Variants in RIMBP2 observed in about 807,000 individuals in gnomAD.
RIMBP2 encodes RIMS-binding protein 2.
Under a neutral mutation model 118.6 loss-of-function variants are expected in RIMBP2, and 48 were observed. The observed-to-expected ratio is 0.40, with a 90% CI of 0.32 to 0.51. The LOEUF (loss-of-function observed/expected upper bound fraction) is 0.51. RIMBP2 is among the 20% of genes least tolerant of loss of function. RIMBP2 has a pLI of 0.41. For missense variants in RIMBP2, 1,551 were observed against 1,768.3 expected, an observed-to-expected ratio of 0.88 and a Z score of 2.20; for synonymous variants, 762 against 742.9, an observed-to-expected ratio of 1.03 and a Z score of -0.42.
At chr12:130,560,659 G>T (rs1191074191) in intron 2 of RIMBP2, among the ~76,000 whole-genome samples, 1 of 152,222 alleles carries the variant, frequency 6.6e-6, no homozygotes, top group African/African-American at 2.4e-5. Flanking sequence ...ATGTTCATGA[G>T]TCAGGAGAGC....
intron 2 of RIMBP2, among the ~76,000 whole-genome samples, chr12:130,610,648 C>T (rs1594029490): frequency 6.8e-6 from 1 of 147,914 alleles, no homozygotes; most frequent in East Asian, 2.0e-4. Context: ...GCAAGCTCCG[C>T]CTCCCGGGTT....
At chr12:130,706,066 C>A (rs921592570) in intron 1 of RIMBP2, among the ~76,000 whole-genome samples, 8 of 152,252 alleles carry the variant, frequency 5.3e-5, no homozygotes, top group African/African-American at 1.9e-4. Flanking sequence ...ATTCCATTCA[C>A]ATGCTAATGA....
At chr12:130,636,169 G>C (rs1192024540) in intron 1 of RIMBP2, among the ~76,000 whole-genome samples, 1 of 152,138 alleles carries the variant, frequency 6.6e-6, no homozygotes, top group Non-Finnish European at 1.5e-5. Flanking sequence ...AATGAGGCTG[G>C]TCTATACTCC....
intron 4 of RIMBP2, among the ~76,000 whole-genome samples, chr12:130,492,369 A>G (rs2048718916): frequency 6.6e-6 from 1 of 150,836 alleles, no homozygotes; most frequent in Admixed American, 6.6e-5. Context: ...AGTGAGGTCT[A>G]TTTCAGCCCA....
chr12:130,397,570 G>A (rs1428796517), intron 22 of RIMBP2, 21 bp from the exon 23 acceptor site: 5 of 398,862 alleles, frequency 1.3e-5, no homozygotes, highest in Non-Finnish European at 2.2e-5. Context: ...CAGTGTTACA[G>A]TTTATTGAGT....
chr12:130,513,672 G>A (rs765228133), intron 3 of RIMBP2, among the ~76,000 whole-genome samples: 4 of 152,250 alleles, frequency 2.6e-5, no homozygotes, highest in Non-Finnish European at 4.4e-5. Context: ...CTCCCACAAG[G>A]CTGCCTGCCT....
chr12:130,645,072 G>A (rs12318719), intron 1 of RIMBP2, among the ~76,000 whole-genome samples: 5,595 of 151,922 alleles, frequency 0.037, 348 homozygotes, highest in African/African-American at 0.13. Flanking sequence ...CACAGAAATA[G>A]GCAAAGACTA....
intron 2 of RIMBP2, among the ~76,000 whole-genome samples, chr12:130,561,459 T>C (rs538824472): frequency 6.6e-6 from 1 of 152,300 alleles, no homozygotes; most frequent in East Asian, 1.9e-4. Context: ...ACCTGACTGA[T>C]ACGAGCAAGG....
At chr12:130,589,650 G>A (rs2059133314) in intron 2 of RIMBP2, among the ~76,000 whole-genome samples, 2 of 152,310 alleles carry the variant, frequency 1.3e-5, no homozygotes, top group South Asian at 4.1e-4. Context: ...TGATGGATGT[G>A]TTATCTTGAT....
At chr12:130,506,370 G>C in intron 4 of RIMBP2, among the ~76,000 whole-genome samples, 1 of 152,144 alleles carries the variant, frequency 6.6e-6, no homozygotes, top group South Asian at 2.1e-4. Context: ...ATTCAGGAGC[G>C]GTGTGCCTGC....
intron 4 of RIMBP2, among the ~76,000 whole-genome samples, chr12:130,486,469 C>T (rs574489538): frequency 2.6e-5 from 4 of 151,842 alleles, no homozygotes; most frequent in South Asian, 4.2e-4. Flanking sequence ...CGTCCCCCGC[C>T]CCCCCGCCAC....
chr12:130,543,937 T>C (rs1009298114), intron 2 of RIMBP2, among the ~76,000 whole-genome samples: 17 of 152,234 alleles, frequency 1.1e-4, no homozygotes, highest in Non-Finnish European at 2.5e-4. Flanking sequence ...ATGTTTCTCT[T>C]GAAGGTATTT....
Position 130,450,652 on chromosome 12 carries a change from C to G in RIMBP2, c.505-376G>C, listed in dbSNP as rs555823757. Among the ~76,000 whole-genome samples, 1 of 147,946 alleles carries G rather than the reference C, an allele frequency of 6.8e-6. No individual in the cohort carries two copies. The highest frequency in any genetic ancestry group is 1.5e-5 in the Non-Finnish European group (1 of 67,118). ...TGTGCACGACCCCCCAGTGATCCCA[C>G]TCTCACTCCCCCTAGTGCATTCCCC... On this transcript the variant is annotated intron_variant, in intron 8 of 22. Coordinates refer to ENST00000690449, the MANE Select transcript of RIMBP2 (RefSeq NM_001393629.1). The surrounding 1 kb of genome is among the most constrained non-coding windows in gnomAD (Gnocchi z 4.8).
intron 2 of RIMBP2, among the ~76,000 whole-genome samples, chr12:130,575,976 G>C (rs900334598): frequency 1.3e-5 from 2 of 152,344 alleles, no homozygotes; most frequent in East Asian, 1.9e-4. Context: ...ATTCAGAGCA[G>C]AGGAGAATGA....
At chr12:130,498,218 A>G (rs1283062279) in intron 4 of RIMBP2, among the ~76,000 whole-genome samples, 1 of 151,726 alleles carries the variant, frequency 6.6e-6, no homozygotes, top group African/African-American at 2.4e-5. Flanking sequence ...GGCAGCACTG[A>G]CTCCAGGCCT....
intron 2 of RIMBP2, among the ~76,000 whole-genome samples, chr12:130,541,050 C>A (rs1229890977): frequency 6.6e-6 from 1 of 152,142 alleles, no homozygotes; most frequent in East Asian, 1.9e-4. Flanking sequence ...CATCGGCTAT[C>A]ACAGGATGGA....
At position 130,442,228 on chromosome 12, in the gene RIMBP2, T is replaced by G. The variant is rs773793047; in HGVS notation, c.1124A>C (p.Asn375Thr). 6.2e-7 allele frequency: 1 copy of G among 1,614,204 alleles called. No individual in the cohort carries two copies. Among genetic ancestry groups the G allele is most frequent in the South Asian group, 1.1e-5 (1 of 91,076 alleles). ...SRTKALIEKLNMAACTYRISV... is the reference protein window; with the variant it reads ...SRTKALIEKLTMAACTYRISV... ...GATGCGGTAGGTGCAGGCTGCCATG[T>G]TGAGCTTCTCGATGAGGGCTTTAGT... Residue 375 changes from asparagine to threonine, a missense_variant, in exon 11 of 23, where the codon AAC (asparagine) becomes ACC (threonine). Transcript: ENST00000690449. The surrounding 1 kb of genome is among the most constrained non-coding windows in gnomAD (Gnocchi z 6.9).
intron 2 of RIMBP2, among the ~76,000 whole-genome samples, chr12:130,612,500 G>C (rs982536806): frequency 4.6e-5 from 7 of 152,282 alleles, no homozygotes; most frequent in Middle Eastern, 3.4e-3. Context: ...CCCAGGTTGG[G>C]GGTCCCCAGC....
intron 2 of RIMBP2, among the ~76,000 whole-genome samples, chr12:130,572,937 G>A (rs982234845): frequency 5.3e-5 from 8 of 152,120 alleles, no homozygotes; most frequent in African/African-American, 1.4e-4. Context: ...CCCAGATTCC[G>A]CCACAGGGCA....
Sources: allele counts gnomAD v4.1 joint callset (sites outside exome capture counted in the v4.1 genomes callset), GRCh38; gene constraint gnomAD v4.1.1; non-coding constraint Gnocchi (gnomAD v3.1); transcripts MANE v1.5; gene names NCBI Gene and HGNC (gene_info 2026-07-23, HGNC 2026-07-21).